The following TAB2 variants were observed in gnomAD, a reference collection of about 807,000 sequenced individuals.
TAB2 encodes TGF-beta activated kinase 1 (MAP3K7) binding protein 2, also known as TGF-beta-activated kinase 1 and MAP3K7-binding protein 2.
TAB2 carries 3 observed loss-of-function variants against 65.0 expected under a neutral mutation model. The observed-to-expected ratio is 0.05, with a 90% CI of 0.02 to 0.12. The LOEUF (loss-of-function observed/expected upper bound fraction) is 0.12, where lower values mean the gene tolerates loss of function less well. TAB2 is among the 10% of genes least tolerant of loss of function. The pLI, the probability that TAB2 is intolerant of heterozygous loss-of-function variation, is 1.00. For synonymous variants in TAB2, 298 were observed against 285.1 expected (o/e 1.05, Z -0.46); for missense variants, 623 against 840.3 (o/e 0.74, Z 3.20).
At chr6:149,357,368 A>G (rs562811541) in intron 1 of TAB2, among the ~76,000 whole-genome samples, 2 of 148,430 alleles carry the variant, frequency 1.3e-5, no homozygotes, top group South Asian at 4.4e-4. Context: ...GTGAGCCAAG[A>G]TTGTGCCACT....
At chr6:149,224,772 A>G (rs1362065901) in intron 1 of TAB2, among the ~76,000 whole-genome samples, 1 of 152,220 alleles carries the variant, frequency 6.6e-6, no homozygotes, top group Non-Finnish European at 1.5e-5. Flanking sequence ...GTAGTTTGAT[A>G]CGTAGGTTAA....
At position 149,379,197 on chromosome 6, in the gene TAB2, A is replaced by C; in HGVS notation, c.1282A>C (p.Met428Leu). The C allele has an allele frequency of 1.2e-6, 2 of 1,614,248 alleles. No homozygotes were observed. Among genetic ancestry groups the C allele is most frequent in the Non-Finnish European group, 1.7e-6 (2 of 1,180,042 alleles). Residue 428 changes from methionine (M) to leucine (L), a missense_variant, in exon 3 of 7, where the codon ATG (methionine) becomes CTG (leucine). Around this residue, in one of 3 missense-constraint regions of TAB2, gnomAD observed 550 missense variants for 665.7 expected, o/e 0.83. Transcript: ENST00000637181. Reference protein sequence around the residue: ...ASRNMSGQVSMGPAFIHHHPP... With the variant: ...ASRNMSGQVSLGPAFIHHHPP... ...CAGGAACATGTCTGGGCAAGTGAGCATGGGTCCTGCCTTTATTCATCACCA... is the reference window on the plus strand; with the variant it reads ...CAGGAACATGTCTGGGCAAGTGAGCCTGGGTCCTGCCTTTATTCATCACCA...
At chr6:149,309,280 A>G (rs1020183810) in intron 1 of TAB2, among the ~76,000 whole-genome samples, 1 of 152,136 alleles carries the variant, frequency 6.6e-6, no homozygotes, top group Admixed American at 6.5e-5. Flanking sequence ...TGTTTTACAT[A>G]TGCTTTACAT....
chr6:149,348,943 G>A (rs1362060304), intron 1 of TAB2, among the ~76,000 whole-genome samples: 1 of 151,122 alleles, frequency 6.6e-6, no homozygotes, highest in Non-Finnish European at 1.5e-5. Context: ...CTCCAGCCTG[G>A]GCAACAAGAG....
rs570131667 is a variant in TAB2, at chr6:149,236,900, C to T, written c.-121+18124C>T. The stretch of plus-strand genomic sequence containing the variant: ...AGCCAGAAGCAATTTTCAGCATAAT[C>T]TTTTCCTTTGACTTTTGTTGTAAGA... On this transcript the variant is annotated intron_variant, in intron 1 of 1. Coordinates refer to the TAB2 transcript ENST00000606202. Among the ~76,000 whole-genome samples the T allele has an allele frequency of 1.0e-3, 152 of 152,322 alleles. 1 individual carries two copies. Among genetic ancestry groups the T allele is most frequent in the Non-Finnish European group, 4.0e-4 (27 of 68,022 alleles).
chr6:149,375,146 G>A (rs986948912), intron 2 of TAB2, among the ~76,000 whole-genome samples: 47 of 152,122 alleles, frequency 3.1e-4, no homozygotes, highest in Non-Finnish European at 1.2e-4. Context: ...AAATCAAAAC[G>A]AGATAATGTC....
chr6:149,314,865 C>CTTT (rs57785399), upstream of TAB2, among the ~76,000 whole-genome samples: 8 of 143,342 alleles, frequency 5.6e-5, no homozygotes, highest in East Asian at 4.1e-4. Context: ...GGAACTATAT[C>CTTT]TTTTTTTTTT....
intron 1 of TAB2, among the ~76,000 whole-genome samples, chr6:149,326,638 C>T (rs1779629552): frequency 6.6e-6 from 1 of 151,754 alleles, no homozygotes. Flanking sequence ...ACCTTTGCCT[C>T]CTGGGTTCAA....
intron 1 of TAB2, among the ~76,000 whole-genome samples, chr6:149,237,983 G>C (rs77010345): frequency 1.3e-5 from 2 of 152,134 alleles, no homozygotes; most frequent in East Asian, 3.9e-4. Flanking sequence ...CACACTCAGC[G>C]TTCCCATAGC....
chr6:149,370,513 A>T (rs898221353), intron 2 of TAB2, among the ~76,000 whole-genome samples: 2 of 152,200 alleles, frequency 1.3e-5, no homozygotes, highest in Non-Finnish European at 2.9e-5. Flanking sequence ...TCTGATAAAG[A>T]ATATGCCCTC....
chr6:149,355,946 G>A (rs994086882), intron 1 of TAB2, among the ~76,000 whole-genome samples: 3 of 151,666 alleles, frequency 2.0e-5, no homozygotes, highest in Non-Finnish European at 4.4e-5. Flanking sequence ...TTTTTCAAAT[G>A]TATTGCCACA....
chr6:149,262,912 T>C (rs553545727), intron 1 of TAB2, among the ~76,000 whole-genome samples: 2 of 152,232 alleles, frequency 1.3e-5, no homozygotes, highest in Non-Finnish European at 2.9e-5. Flanking sequence ...CAAGCAATCC[T>C]CCCACCTCAG....
chr6:149,348,338 A>C (rs1780370061), intron 1 of TAB2, among the ~76,000 whole-genome samples: 1 of 152,100 alleles, frequency 6.6e-6, no homozygotes, highest in Non-Finnish European at 1.5e-5. Context: ...GCAATGAGCC[A>C]TGATTGTGCC....
At chr6:149,311,096 G>A (rs376296630) in intron 1 of TAB2, among the ~76,000 whole-genome samples, 2 of 152,024 alleles carry the variant, frequency 1.3e-5, no homozygotes, top group Non-Finnish European at 2.9e-5. Flanking sequence ...ACGTTCCATC[G>A]TTCACTAAAC....
At chr6:149,298,148 CAGG>C (rs1394606991) in intron 1 of TAB2, among the ~76,000 whole-genome samples, 17 of 152,186 alleles carry the variant, frequency 1.1e-4, no homozygotes, top group Admixed American at 6.5e-4. Flanking sequence ...TAAAGGATTT[CAGG>C]AGATTATATT....
At chr6:149,380,763 G>A (rs547331830) in intron 3 of TAB2, among the ~76,000 whole-genome samples, 63 of 152,292 alleles carry the variant, frequency 4.1e-4, no homozygotes, top group African/African-American at 1.4e-3. Context: ...CCCTCAGGCA[G>A]CATGCAGCCC....
In TAB2 at chr6:149,409,823, A is replaced by G. The variant is rs1782787961; in HGVS notation, c.*104A>G. 4.5e-6 allele frequency: 6 copies of G among 1,320,834 alleles called. No individual in the cohort carries two copies. Among genetic ancestry groups the G allele is most frequent in the Non-Finnish European group, 6.5e-6 (6 of 921,630 alleles). 81.8% of individuals were successfully genotyped at this position (1,320,834 alleles called of 1,614,324 possible). A position where few individuals can be genotyped will look rare whatever the true frequency, so the allele number is the denominator to read the frequency against. ...GCTACATAGGATTTTGTCAAATTGA[A>G]GGTGTGACAAGATGGTGTTCTGCTA... On this transcript the variant is annotated 3_prime_UTR_variant, in exon 7 of 7. Transcript: ENST00000637181.
rs539597791 is a variant in TAB2 at position 149,256,143 on chromosome 6, A to C, written c.-121+37367A>C. Among the ~76,000 whole-genome samples, 9 of 152,336 alleles carry C rather than the reference A, an allele frequency of 5.9e-5. No homozygotes were observed. In the South Asian group the frequency reaches 1.7e-3, roughly 28 times the overall value. On this transcript the variant is annotated intron_variant, in intron 1 of 1. Transcript: ENST00000606202. ...ATTAAAAAGAAGGAAAGTTAATTTT[A>C]AAAAAAGGAAGTGAAAAGGAAGAGG...
chr6:149,368,227 T>C (rs1781102363), intron 1 of TAB2, among the ~76,000 whole-genome samples: 3 of 151,994 alleles, frequency 2.0e-5, no homozygotes, highest in Non-Finnish European at 4.4e-5. Context: ...AGAAATTGTT[T>C]AAAGAATGAG....
Sources: gnomAD v4.1 joint callset for allele counts (sites outside exome capture counted in the v4.1 genomes callset) on GRCh38, gnomAD v4.1.1 for gene constraint, gnomAD v4.1.1 regional missense constraint, MANE v1.5 for transcripts, NCBI Gene and HGNC (gene_info 2026-07-23, HGNC 2026-07-21) for gene names.